FAM98C: variants seen among roughly 807,000 people sequenced by gnomAD.
FAM98C encodes the protein tRNA splicing ligase complex subunit 3C, also known as protein FAM98C.
In FAM98C, 38 loss-of-function variants were observed where a neutral mutation model predicts 41.1. The ratio of observed to expected loss-of-function variants is 0.92; its 90% CI spans 0.71 to 1.21. The LOEUF (loss-of-function observed/expected upper bound fraction) is 1.21. Ranked by LOEUF, FAM98C falls within the 50% of genes most tolerant of loss-of-function variation. FAM98C has a pLI of 0.00. For missense variants in FAM98C, 493 were observed against 484.7 expected, an observed-to-expected ratio of 1.02 and a Z score of -0.16; for synonymous variants, 195 against 216.7, an observed-to-expected ratio of 0.90 and a Z score of 0.88.
chr19:38,404,824 C>T (rs762798449), intron 3 of FAM98C, 84 bp from the exon 4 acceptor site: 192 of 1,494,174 alleles, frequency 1.3e-4, no homozygotes, highest in Non-Finnish European at 1.6e-4. Flanking sequence ...CCACCGCACC[C>T]GGCCATCAGT....
At position 38,405,505 on chromosome 19, in the gene FAM98C, A is replaced by C. The variant is rs1456939772; in HGVS notation, c.634-14A>C. On this transcript the variant is annotated splice_polypyrimidine_tract_variant and intron_variant, in intron 5 of 7. Coordinates refer to ENST00000252530, the MANE Select transcript of FAM98C (RefSeq NM_174905.4). ...GAGGGACCCCTAGCCTGACCTTGAG[A>C]CCTTTTCTCCCAGGAAGCGTTGGAG... 1.2e-6 allele frequency: 2 copies of C among 1,614,066 alleles called. No individual in the cohort carries two copies. The highest frequency in any genetic ancestry group is 1.6e-4 in the Middle Eastern group (1 of 6,062).
chr19:38,408,634 A>G, intron 7 of FAM98C, 117 bp from the exon 8 acceptor site: 1 of 1,338,896 alleles, frequency 7.5e-7, no homozygotes, highest in Non-Finnish European at 1.1e-6. Flanking sequence ...CAGCCACTGT[A>G]CTCAAATAGT....
intron 5 of FAM98C, 36 bp downstream of exon 5, chr19:38,405,457 G>A: frequency 6.2e-7 from 1 of 1,614,012 alleles, no homozygotes; most frequent in Non-Finnish European, 8.5e-7. Flanking sequence ...TGTGAACTGT[G>A]TCCTCATCAG....
Position 38,403,197 on chromosome 19 carries a change from C to T in FAM98C, c.44C>T (p.Ala15Val), listed in dbSNP as rs747385715. The change falls in exon 1 of 8, where the codon GCC (alanine) becomes GTC (valine). Residue 15 changes from alanine to valine, a missense_variant. Physicochemically the swap from Ala to Val is moderately conservative, Grantham distance 64. Transcript: ENST00000252530. ...GAAGCGTGGGAGGGGGCCGCGGTGGCCCAGGACCTGCTGGCTCTGGGGTAA... is the reference window on the plus strand; with the variant it reads ...GAAGCGTGGGAGGGGGCCGCGGTGGTCCAGGACCTGCTGGCTCTGGGGTAA... The part of the protein sequence containing the change: ...KAEAWEGAAV[A>V]QDLLALGYGG... The T allele has an allele frequency of 6.4e-7, 1 of 1,556,296 alleles. No homozygotes were observed. Among genetic ancestry groups the T allele is most frequent in the African/African-American group, 1.4e-5 (1 of 70,316 alleles).
intron 6 of FAM98C, chr19:38,406,227 T>C (rs1971039211): frequency 6.6e-6 from 1 of 152,644 alleles, no homozygotes. Flanking sequence ...AATGGTGCGA[T>C]CTTGGCTCAC....
At chr19:38,404,177 C>T (rs1311908584) in intron 3 of FAM98C, among the ~76,000 whole-genome samples, 1 of 151,638 alleles carries the variant, frequency 6.6e-6, no homozygotes, top group Non-Finnish European at 1.5e-5. Context: ...CAGGCGTGAG[C>T]CCACCACGCC....
Position 38,403,205 on chromosome 19 carries a change from C to T in FAM98C, c.52C>T (p.Leu18=), listed in dbSNP as rs1371462961. The T allele has an allele frequency of 1.3e-6, 2 of 1,558,612 alleles. No individual in the cohort carries two copies. Among genetic ancestry groups the T allele is most frequent in the Middle Eastern group, 1.7e-4 (1 of 5,954 alleles). The change falls in exon 1 of 8, where the codon CTG becomes TTG. Residue 18 remains leucine (L), a synonymous_variant. Coordinates refer to ENST00000252530, the MANE Select transcript of FAM98C (RefSeq NM_174905.4). ...AWEGAAVAQD[L]LALGYGGVPG... is the part of the protein sequence containing the mutation. Reference sequence around the variant, plus strand: ...GGAGGGGGCCGCGGTGGCCCAGGACCTGCTGGCTCTGGGGTAAAAGGGTGT... The same window carrying T: ...GGAGGGGGCCGCGGTGGCCCAGGACTTGCTGGCTCTGGGGTAAAAGGGTGT...
chr19:38,403,159 G>A lies in FAM98C; in HGVS notation c.6G>A (p.Glu2=). The stretch of plus-strand genomic sequence containing the variant: ...CGCGCCGAGACCACACTTTCATGGA[G>A]GCGGTGAAGGCGGAAGCGTGGGAGG... The part of the protein sequence containing the change: M[E]AVKAEAWEGA... Residue 2 remains glutamate (E), a synonymous_variant, in exon 1 of 8, where the codon GAG becomes GAA. Transcript: ENST00000252530. 6.5e-7 allele frequency: 1 copy of A among 1,530,078 alleles called. No homozygotes were observed. The highest frequency in any genetic ancestry group is 8.7e-7 in the Non-Finnish European group (1 of 1,152,228). 94.8% of individuals were successfully genotyped at this position (1,530,078 alleles called of 1,614,324 possible). A position where few individuals can be genotyped will look rare whatever the true frequency, so the allele number is the denominator to read the frequency against.
At position 38,408,859 on chromosome 19, in the gene FAM98C, C is replaced by G; in HGVS notation, c.1027C>G (p.Arg343Gly). Residue 343 changes from arginine (R) to glycine (G), a missense_variant, in exon 8 of 8, where the codon CGC becomes GGC. Physicochemically the swap from Arg to Gly is moderately radical, Grantham distance 125. Coordinates refer to ENST00000252530, the MANE Select transcript of FAM98C (RefSeq NM_174905.4). Reference sequence around the variant, plus strand: ...GGATGGAGGCCCCCAGTGTTGGGGTCGCAAGAAGAAGAAGAAGAAGTAAAG... The same window carrying G: ...GGATGGAGGCCCCCAGTGTTGGGGTGGCAAGAAGAAGAAGAAGAAGTAAAG... ...REDGGPQCWG[R>G]KKKKKK The G allele has an allele frequency of 6.4e-7, 1 of 1,567,884 alleles. No individual in the cohort carries two copies. The highest frequency in any genetic ancestry group is 8.6e-7 in the Non-Finnish European group (1 of 1,163,140).
chr19:38,405,019 T>C lies in FAM98C; in HGVS notation c.461T>C (p.Val154Ala). ...GEGVVEGAGM[V>A]QELDLTLQAL... is the part of the protein sequence containing the mutation. ...GGGGTAGTGGAGGGAGCCGGCATGG[T>C]CCAAGAACTGGACCTTACCCTCCAA... The change falls in exon 4 of 8, where the codon GTC (valine) becomes GCC (alanine). Residue 154 changes from valine to alanine, a missense_variant. Val to Ala is a moderately conservative substitution (Grantham distance 64). Transcript: ENST00000252530. 6.2e-7 allele frequency: 1 copy of C among 1,614,074 alleles called. No homozygotes were observed. Among genetic ancestry groups the C allele is most frequent in the Non-Finnish European group, 8.5e-7 (1 of 1,180,002 alleles).
At chr19:38,408,452 G>C (rs532787944) in intron 7 of FAM98C, 1 of 299,496 alleles carries the variant, frequency 3.3e-6, no homozygotes, top group South Asian at 3.2e-5. Flanking sequence ...CCAGCTACTT[G>C]GGAGGCTGAG....
In FAM98C at chr19:38,405,575, C is replaced by T; in HGVS notation, c.690C>T (p.Cys230=). ...GAGATCAGTACCGCTGCCGCCGCTG[C>T]CTCCTCCTCAAGCGCCTTGACCTCA... ...SLRDQYRCRR[C]LLLKRLDLTT... The change falls in exon 6 of 8, where the codon TGC becomes TGT. Residue 230 remains cysteine (C), a synonymous_variant. Coordinates refer to ENST00000252530, the MANE Select transcript of FAM98C (RefSeq NM_174905.4). 1 of 1,612,396 alleles carries T rather than the reference C, an allele frequency of 6.2e-7. No individual in the cohort carries two copies. Among genetic ancestry groups the T allele is most frequent in the Non-Finnish European group, 8.5e-7 (1 of 1,180,000 alleles).
At chr19:38,405,859 A>ATTTT in intron 6 of FAM98C, 1 of 392,192 alleles carries the variant, frequency 2.5e-6, no homozygotes, top group Non-Finnish European at 4.6e-6. Flanking sequence ...ATACCCCATC[A>ATTTT]TTTTTTTTTT....
Position 38,408,873 on chromosome 19 carries a change from G to A in FAM98C, c.1041G>A (p.Lys347=). The change falls in exon 8 of 8, where the codon AAG becomes AAA. Residue 347 remains lysine, a synonymous_variant. Coordinates refer to ENST00000252530, the MANE Select transcript of FAM98C (RefSeq NM_174905.4). ...AGTGTTGGGGTCGCAAGAAGAAGAA[G>A]AAGAAGTAAAGGGGGACTGGTGGTC... ...GPQCWGRKKK[K]KK 2 of 1,577,464 alleles carry A rather than the reference G, an allele frequency of 1.3e-6. No homozygotes were observed. The highest frequency in any genetic ancestry group is 1.4e-5 in the African/African-American group (1 of 72,658).
At position 38,403,809 on chromosome 19, in the gene FAM98C, G is replaced by A; in HGVS notation, c.349+115G>A. 5.6e-6 allele frequency: 7 copies of A among 1,248,738 alleles called. No homozygotes were observed. The South Asian group carries it at 1.7e-4, about 31-fold the overall frequency. The allele number at this position is 1,248,738 out of a possible 1,614,324, so 77.4% of individuals were successfully genotyped here. On this transcript the variant is annotated intron_variant, in intron 3 of 7. Coordinates refer to ENST00000252530, the MANE Select transcript of FAM98C (RefSeq NM_174905.4). The stretch of plus-strand genomic sequence containing the variant: ...GTGGTCAGAACTTTGGGGCGGCCCA[G>A]AGGGTACGAGGTGGGTGGGGTGAGC...
chr19:38,406,749 C>A, intron 6 of FAM98C, 161 bp from the exon 7 acceptor site: 1 of 719,360 alleles, frequency 1.4e-6, no homozygotes, highest in Non-Finnish European at 2.2e-6. Context: ...CACGCCACCA[C>A]ACTCCAGGCT....
At chr19:38,407,365 TG>T in intron 7 of FAM98C, 1 of 386,294 alleles carries the variant, frequency 2.6e-6, no homozygotes, top group Non-Finnish European at 4.8e-6. Context: ...ACCTATTTGT[TG>T]TTTTTTAACC....
intron 6 of FAM98C, 164 bp from the exon 7 acceptor site, chr19:38,406,746 C>T (rs1232680266): frequency 4.2e-6 from 3 of 711,608 alleles, no homozygotes; most frequent in Admixed American, 5.6e-5. Context: ...CATCACGCCA[C>T]CACACTCCAG....
intron 7 of FAM98C, chr19:38,407,354 T>G: frequency 2.4e-6 from 1 of 412,134 alleles, no homozygotes; most frequent in Non-Finnish European, 4.4e-6. Context: ...CACCAAACAC[T>G]ACCTATTTGT....
Sources: allele counts gnomAD v4.1 joint callset (sites outside exome capture counted in the v4.1 genomes callset), GRCh38; gene constraint gnomAD v4.1.1; transcripts MANE v1.5; gene names NCBI Gene and HGNC (gene_info 2026-07-23, HGNC 2026-07-21).